Variants in ZMAT4 observed in about 807,000 individuals in gnomAD.
ZMAT4 encodes the protein zinc finger matrin-type protein 4.
A neutral mutation model predicts 28.7 loss-of-function variants in ZMAT4; 17 were observed. That is an observed-to-expected ratio of 0.59 (90% confidence interval 0.41 to 0.89). ZMAT4 has a LOEUF of 0.89. Ranked by LOEUF, ZMAT4 falls within the 40% of genes least tolerant of loss-of-function variation. The pLI, the probability that ZMAT4 is intolerant of heterozygous loss-of-function variation, is 0.00. For synonymous variants in ZMAT4, 117 were observed against 109.2 expected (o/e 1.07, Z -0.44); for missense variants, 240 against 283.8 (o/e 0.85, Z 1.11).
intron 1 of ZMAT4, among the ~76,000 whole-genome samples, chr8:40,861,559 C>A (rs1474576127): frequency 2.0e-5 from 3 of 152,124 alleles, no homozygotes; most frequent in South Asian, 2.1e-4. Context: ...GCAACAAAAG[C>A]CAAAATTGAC....
chr8:40,883,568 C>T (rs1818352397), intron 1 of ZMAT4, among the ~76,000 whole-genome samples: 2 of 152,204 alleles, frequency 1.3e-5, no homozygotes, highest in Admixed American at 1.3e-4. Context: ...CTTCTCTCTC[C>T]AAGACAGTTT....
At chr8:40,831,545 A>T (rs1177606573) in intron 1 of ZMAT4, among the ~76,000 whole-genome samples, 1 of 152,208 alleles carries the variant, frequency 6.6e-6, no homozygotes, top group East Asian at 1.9e-4. Flanking sequence ...TTGAGGAGAG[A>T]AGCTCTTGGC....
chr8:40,624,315 C>T lies in ZMAT4; in HGVS notation c.578-43054G>A, dbSNP rs534376177. Among the ~76,000 whole-genome samples, 260 of 152,304 alleles carry T rather than the reference C, an allele frequency of 1.7e-3. 1 individual carries two copies. Among genetic ancestry groups the T allele is most frequent in the Middle Eastern group, 0.01 (3 of 294 alleles). ...TGAGGAAAGATCATGTGAGGGTCAG[C>T]GAGAGGGCAGTGGTCTGCAACTAGG... On this transcript the variant is annotated intron_variant, in intron 5 of 6. Coordinates refer to ENST00000297737, the MANE Select transcript of ZMAT4 (RefSeq NM_024645.3).
In ZMAT4 at chr8:40,548,536, A is replaced by G. The variant is rs561676418; in HGVS notation, c.675-16298T>C. 2.2e-4 allele frequency among the ~76,000 whole-genome samples: 33 copies of G among 152,332 alleles called. No homozygotes were observed. The South Asian group carries it at 5.8e-3, about 27-fold the overall frequency. ...AATTTAAACAATAGAAATGAAATTT[A>G]AAGCCAAAGTATGTTATTTTCTTAG... is the stretch of plus-strand genomic sequence containing the variant. On this transcript the variant is annotated intron_variant, in intron 6 of 6. Coordinates refer to ENST00000297737, the MANE Select transcript of ZMAT4 (RefSeq NM_024645.3).
At chr8:40,614,043 C>A (rs759908322) in intron 5 of ZMAT4, among the ~76,000 whole-genome samples, 2 of 152,214 alleles carry the variant, frequency 1.3e-5, no homozygotes, top group Non-Finnish European at 2.9e-5. Flanking sequence ...CTTGCTGGGT[C>A]ACCTTCTGTG....
chr8:40,634,967 T>G (rs1051755857), intron 5 of ZMAT4, among the ~76,000 whole-genome samples: 3 of 152,204 alleles, frequency 2.0e-5, no homozygotes, highest in African/African-American at 7.2e-5. Flanking sequence ...TATAGGGGTT[T>G]TGTAGCAATA....
intron 2 of ZMAT4, among the ~76,000 whole-genome samples, chr8:40,799,172 T>G (rs1383167531): frequency 2.7e-5 from 4 of 147,950 alleles, no homozygotes; most frequent in Non-Finnish European, 4.5e-5. Context: ...GATGGATGAA[T>G]AGAGAGAGAG....
At chr8:40,709,376 G>A (rs1328153040) in intron 3 of ZMAT4, among the ~76,000 whole-genome samples, 2 of 151,978 alleles carry the variant, frequency 1.3e-5, no homozygotes, top group African/African-American at 4.8e-5. Flanking sequence ...ACCCCTAAAT[G>A]TCAACCCAAA....
intron 4 of ZMAT4, among the ~76,000 whole-genome samples, chr8:40,695,751 G>C (rs1223182346): frequency 7.3e-6 from 1 of 137,874 alleles, no homozygotes; most frequent in African/African-American, 2.7e-5. Context: ...ACAAAGAACT[G>C]GTTTTGCCAT....
At chr8:40,660,464 T>G (rs1159509405) in intron 5 of ZMAT4, among the ~76,000 whole-genome samples, 1 of 152,228 alleles carries the variant, frequency 6.6e-6, no homozygotes. Context: ...CCTTTTTCAT[T>G]ATTGTATCTT....
At chr8:40,764,329 A>C (rs1338780545) in intron 3 of ZMAT4, among the ~76,000 whole-genome samples, 1 of 152,264 alleles carries the variant, frequency 6.6e-6, no homozygotes, top group Non-Finnish European at 1.5e-5. Context: ...AAATTTAAAC[A>C]GCTGACAATG....
At chr8:40,631,241 C>T (rs552391391) in intron 5 of ZMAT4, among the ~76,000 whole-genome samples, 70 of 152,082 alleles carry the variant, frequency 4.6e-4, no homozygotes, top group Non-Finnish European at 8.4e-4. Context: ...GGCGAGATTT[C>T]GGCTCACTGC....
intron 6 of ZMAT4, among the ~76,000 whole-genome samples, chr8:40,538,183 A>G (rs911440617): frequency 5.9e-5 from 9 of 152,158 alleles, no homozygotes; most frequent in African/African-American, 1.2e-4. Flanking sequence ...TCGGGAGCCT[A>G]CTATCTGAAG....
chr8:40,580,643 T>C (rs1339961627), intron 6 of ZMAT4, among the ~76,000 whole-genome samples: 2 of 152,208 alleles, frequency 1.3e-5, no homozygotes, highest in Non-Finnish European at 2.9e-5. Flanking sequence ...TTTAAAATTA[T>C]GAGAATATTT....
At chr8:40,564,742 T>G (rs1803858860) in intron 6 of ZMAT4, among the ~76,000 whole-genome samples, 1 of 152,196 alleles carries the variant, frequency 6.6e-6, no homozygotes, top group Admixed American at 6.5e-5. Flanking sequence ...ATTCATTGAT[T>G]TTAGTCATTC....
intron 3 of ZMAT4, among the ~76,000 whole-genome samples, chr8:40,715,852 C>T (rs1810828997): frequency 6.6e-6 from 1 of 152,220 alleles, no homozygotes; most frequent in African/African-American, 2.4e-5. Flanking sequence ...TGTGGACTTC[C>T]AAACAACCTG....
intron 2 of ZMAT4, among the ~76,000 whole-genome samples, chr8:40,793,855 C>T (rs996313855): frequency 6.6e-6 from 1 of 152,108 alleles, no homozygotes; most frequent in Non-Finnish European, 1.5e-5. Context: ...ACGGACTCGC[C>T]CCTCCTTGGG....
intron 5 of ZMAT4, among the ~76,000 whole-genome samples, chr8:40,646,918 T>C (rs967441928): frequency 3.9e-5 from 6 of 152,244 alleles, no homozygotes; most frequent in Non-Finnish European, 8.8e-5. Context: ...CAAGTGCACA[T>C]GAATCATTCT....
chr8:40,660,224 G>T (rs1347335427), intron 5 of ZMAT4, among the ~76,000 whole-genome samples: 5 of 152,152 alleles, frequency 3.3e-5, no homozygotes, highest in African/African-American at 1.2e-4. Context: ...ATCTCTTTCG[G>T]TAAGTAACAT....
Sources: gnomAD v4.1 joint callset for allele counts (sites outside exome capture counted in the v4.1 genomes callset) on GRCh38, gnomAD v4.1.1 for gene constraint, MANE v1.5 for transcripts, NCBI Gene and HGNC (gene_info 2026-07-23, HGNC 2026-07-21) for gene names.